Variants in ATRNL1 observed in about 807,000 individuals in gnomAD.
ATRNL1 encodes attractin like 1, also known as attractin-like protein 1.
Under a neutral mutation model 182.7 loss-of-function variants are expected in ATRNL1, and 95 were observed. The observed-to-expected ratio is 0.52, with a 90% confidence interval of 0.44 to 0.62. ATRNL1 has a LOEUF of 0.62. ATRNL1 is among the 20% of genes least tolerant of loss of function. ATRNL1 has a pLI of 0.00. For missense variants in ATRNL1, 1,471 were observed against 1,679.5 expected (o/e 0.88, Z 2.17); for synonymous variants, 576 against 568.3 (o/e 1.01, Z -0.19).
chr10:115,908,681 T>C (rs1050528017), intron 28 of ATRNL1, among the ~76,000 whole-genome samples: 3 of 152,216 alleles, frequency 2.0e-5, no homozygotes, highest in Non-Finnish European at 2.9e-5. Flanking sequence ...AGGCAAAATC[T>C]AGAAGAACAG....
chr10:115,787,133 A>G (rs182379653), intron 27 of ATRNL1, among the ~76,000 whole-genome samples: 2 of 152,228 alleles, frequency 1.3e-5, no homozygotes, highest in Non-Finnish European at 2.9e-5. Context: ...TTGTTACTTT[A>G]ACACATCAAT....
chr10:115,385,211 T>G (rs999761283), intron 19 of ATRNL1, among the ~76,000 whole-genome samples: 1 of 152,148 alleles, frequency 6.6e-6, no homozygotes, highest in African/African-American at 2.4e-5. Flanking sequence ...TGTCAACATT[T>G]AGTGTCGTCA....
intron 26 of ATRNL1, among the ~76,000 whole-genome samples, chr10:115,556,147 A>G (rs12240427): frequency 0.028 from 4,289 of 152,150 alleles, 196 homozygotes; most frequent in African/African-American, 0.098. Flanking sequence ...GTTATATTTC[A>G]TCTGATATTA....
intron 28 of ATRNL1, among the ~76,000 whole-genome samples, chr10:115,898,794 T>C (rs1952272983): frequency 6.6e-6 from 1 of 152,238 alleles, no homozygotes. Context: ...GGGTTCATTT[T>C]TGTAGCAAAG....
At chr10:115,394,588 A>C in intron 19 of ATRNL1, 71 bp from the exon 20 acceptor site, 1 of 1,176,078 alleles carries the variant, frequency 8.5e-7, no homozygotes, top group Non-Finnish European at 1.3e-6. Context: ...AGGTAATAAT[A>C]ATACTTGAAA....
At chr10:115,525,382 A>T (rs1249274465) in intron 25 of ATRNL1, among the ~76,000 whole-genome samples, 1 of 152,192 alleles carries the variant, frequency 6.6e-6, no homozygotes, top group Non-Finnish European at 1.5e-5. Context: ...CCTGTCGTCT[A>T]TTACATTGGG....
At chr10:115,684,119 G>A (rs1178991821) in intron 26 of ATRNL1, among the ~76,000 whole-genome samples, 6 of 151,540 alleles carry the variant, frequency 4.0e-5, no homozygotes, top group African/African-American at 1.5e-4. Context: ...TAGTTTAATT[G>A]TAAGGAAAGT....
intron 24 of ATRNL1, 33 bp from the exon 25 acceptor site, chr10:115,519,230 A>T: frequency 1.3e-6 from 2 of 1,564,316 alleles, no homozygotes; most frequent in Non-Finnish European, 1.8e-6. Context: ...AGAGAAGAAC[A>T]TACTTTCAAT....
intron 27 of ATRNL1, among the ~76,000 whole-genome samples, chr10:115,847,009 A>G (rs1950944271): frequency 1.3e-5 from 2 of 152,080 alleles, no homozygotes; most frequent in Non-Finnish European, 2.9e-5. Flanking sequence ...ACTAGCTATT[A>G]CTATTATTAT....
intron 26 of ATRNL1, among the ~76,000 whole-genome samples, chr10:115,722,923 A>G (rs1255323645): frequency 6.6e-6 from 1 of 152,210 alleles, no homozygotes; most frequent in Non-Finnish European, 1.5e-5. Context: ...CAAAGGACAT[A>G]TAAGAGTTTT....
chr10:115,754,109 C>T (rs1234478011), intron 27 of ATRNL1, among the ~76,000 whole-genome samples: 2 of 152,066 alleles, frequency 1.3e-5, no homozygotes, highest in Admixed American at 1.3e-4. Flanking sequence ...AAATTTTCTC[C>T]CATTCTGTAG....
intron 26 of ATRNL1, among the ~76,000 whole-genome samples, chr10:115,639,192 A>G (rs1474433007): frequency 6.6e-5 from 10 of 152,244 alleles, no homozygotes; most frequent in African/African-American, 2.4e-4. Flanking sequence ...TTTGAATGTC[A>G]GCAAATTTCT....
At chr10:115,914,635 C>T (rs1952788470) in intron 28 of ATRNL1, among the ~76,000 whole-genome samples, 1 of 152,226 alleles carries the variant, frequency 6.6e-6, no homozygotes, top group Admixed American at 6.5e-5. Flanking sequence ...TATCTGGACA[C>T]CTACTTGGTA....
chr10:115,229,349 G>T (rs781935356), intron 9 of ATRNL1, among the ~76,000 whole-genome samples: 1 of 152,042 alleles, frequency 6.6e-6, no homozygotes, highest in South Asian at 2.1e-4. Flanking sequence ...TTTGGAAAGC[G>T]ATAGAGGTTA....
intron 3 of ATRNL1, among the ~76,000 whole-genome samples, 188 bp downstream of exon 3, chr10:115,122,000 CATAA>C (rs1303615009): frequency 2.6e-5 from 4 of 151,752 alleles, no homozygotes; most frequent in African/African-American, 9.7e-5. Context: ...ATTGATATAA[CATAA>C]ATAAGTACTA....
chr10:115,930,290 A>G (rs1475019860), intron 28 of ATRNL1, among the ~76,000 whole-genome samples: 3 of 152,098 alleles, frequency 2.0e-5, no homozygotes, highest in Non-Finnish European at 4.4e-5. Flanking sequence ...TGCTTCTGTC[A>G]TGTTTGATTG....
chr10:115,373,736 C>A (rs570604475), intron 19 of ATRNL1, among the ~76,000 whole-genome samples: 87 of 151,594 alleles, frequency 5.7e-4, no homozygotes, highest in South Asian at 2.5e-3. Flanking sequence ...GATTTTTTTT[C>A]ATTAAAGGAT....
At chr10:115,378,214 G>A (rs1554950075) in intron 19 of ATRNL1, among the ~76,000 whole-genome samples, 1 of 152,136 alleles carries the variant, frequency 6.6e-6, no homozygotes, top group East Asian at 1.9e-4. Context: ...AGTTGACAGG[G>A]GATACAACTG....
intron 8 of ATRNL1, among the ~76,000 whole-genome samples, chr10:115,206,870 G>A (rs1848818826): frequency 6.6e-6 from 1 of 152,066 alleles, no homozygotes; most frequent in South Asian, 2.1e-4. Flanking sequence ...CAGTGTGTGT[G>A]ATGTTCCCCA....
Sources: gnomAD v4.1 joint callset for allele counts (sites outside exome capture counted in the v4.1 genomes callset) on GRCh38, gnomAD v4.1.1 for gene constraint, MANE v1.5 for transcripts, NCBI Gene and HGNC (gene_info 2026-07-23, HGNC 2026-07-21) for gene names.